SFTPB: variants seen among roughly 807,000 people sequenced by gnomAD.
SFTPB encodes the protein pulmonary surfactant-associated protein B.
A neutral mutation model predicts 51.0 loss-of-function variants in SFTPB; 32 were observed. The observed-to-expected ratio is 0.63, with a 90% CI of 0.47 to 0.84. SFTPB has a LOEUF of 0.84. Ranked by LOEUF, SFTPB falls within the 40% of genes least tolerant of loss-of-function variation. SFTPB has a pLI of 0.00. For synonymous variants in SFTPB, 211 were observed against 208.5 expected (o/e 1.01, Z -0.10); for missense variants, 431 against 491.2 (o/e 0.88, Z 1.16).
At chr2:85,662,876 C>T (rs1677380785) in intron 8 of SFTPB, among the ~76,000 whole-genome samples, 1 of 150,712 alleles carries the variant, frequency 6.6e-6, no homozygotes, top group African/African-American at 2.4e-5. Flanking sequence ...AGGGAATTTC[C>T]TGTCATTGAC....
Position 85,665,781 on chromosome 2 carries a change from A to T in SFTPB, c.407T>A (p.Ile136Asn), listed in dbSNP as rs1210349465. 1.9e-6 allele frequency: 3 copies of T among 1,614,034 alleles called. No homozygotes were observed. Among genetic ancestry groups the T allele is most frequent in the Admixed American group, 3.3e-5 (2 of 60,000 alleles). ...TTTGCACAGGCCCAGGTGCATACAG[A>T]TGCCGTTTGAGTCCTGGGGCACAGC... is the stretch of plus-strand genomic sequence containing the variant. ...YFQNQTDSNG[I>N]CMHLGLCKSR... The change falls in exon 5 of 11, where the codon ATC (isoleucine) becomes AAC (asparagine). Residue 136 changes from isoleucine to asparagine, a missense_variant. Coordinates refer to ENST00000519937, the MANE Select transcript of SFTPB (RefSeq NM_000542.5).
chr2:85,666,425 GT>G, intron 4 of SFTPB, 191 bp downstream of exon 4: 1 of 202,284 alleles, frequency 4.9e-6, no homozygotes, highest in East Asian at 9.4e-5. Context: ...CTGGGGTGTT[GT>G]GTGTGTGTGT....
intron 10 of SFTPB, among the ~76,000 whole-genome samples, chr2:85,660,636 G>A (rs1191088715): frequency 6.6e-6 from 1 of 151,612 alleles, no homozygotes; most frequent in Non-Finnish European, 1.5e-5. Flanking sequence ...AATATTTTTA[G>A]TAGAGACAGG....
chr2:85,666,573 G>A (rs750157120), intron 4 of SFTPB, 44 bp downstream of exon 4: 13 of 1,608,554 alleles, frequency 8.1e-6, no homozygotes, highest in South Asian at 2.2e-5. Context: ...GGGCACAGGG[G>A]CCTGCGTGGG....
intron 1 of SFTPB, 144 bp from the exon 2 acceptor site, chr2:85,667,950 G>T (rs1677740087): frequency 9.9e-6 from 13 of 1,307,526 alleles, no homozygotes; most frequent in Admixed American, 6.1e-5. Context: ...GGTTCCACCT[G>T]CTCCTGGACC....
rs3024817 is a variant in SFTPB at position 85,660,916 on chromosome 2, C to T, written c.*19+538G>A. On this transcript the variant is annotated intron_variant, in intron 10 of 10. Coordinates refer to ENST00000519937, the MANE Select transcript of SFTPB (RefSeq NM_000542.5). ...AGGGTCATTTCCCAGCCTCCAGGCA[C>T]CTGTTCACAGAGGCTGCATCTGGCC... 1.9e-3 allele frequency among the ~76,000 whole-genome samples: 286 copies of T among 152,302 alleles called. 1 individual carries two copies. The highest frequency in any genetic ancestry group is 6.4e-3 in the African/African-American group (268 of 41,570).
chr2:85,667,947 C>T (rs1220103056), intron 1 of SFTPB, 141 bp from the exon 2 acceptor site: 5 of 1,333,634 alleles, frequency 3.7e-6, no homozygotes, highest in Admixed American at 2.0e-5. Context: ...CTGGGTTCCA[C>T]CTGCTCCTGG....
Position 85,657,919 on chromosome 2 carries a change from A to G in SFTPB, c.*1783T>C, listed in dbSNP as rs748215074. 2 of 152,060 alleles carry G rather than the reference A, an allele frequency of 1.3e-5. No individual in the cohort carries two copies. Among genetic ancestry groups the G allele is most frequent in the Non-Finnish European group, 2.9e-5 (2 of 68,024 alleles). 9.4% of individuals were successfully genotyped at this position (152,060 alleles called of 1,614,324 possible). ...GTGCGGGCGTGGGGTGGGTGGGGAGAATATTACAAAGCACCTTCTCAAGGG... is the reference window on the plus strand; with the variant it reads ...GTGCGGGCGTGGGGTGGGTGGGGAGGATATTACAAAGCACCTTCTCAAGGG... On this transcript the variant is annotated 3_prime_UTR_variant, in exon 11 of 11. Transcript: ENST00000519937.
chr2:85,661,386 G>T, intron 10 of SFTPB, 68 bp downstream of exon 10: 1 of 1,120,102 alleles, frequency 8.9e-7, no homozygotes, highest in Non-Finnish European at 1.3e-6. Context: ...GGGAGCAGAA[G>T]GGCCTCCCAT....
At chr2:85,666,309 GTT>G (rs1265106148) in intron 4 of SFTPB, among the ~76,000 whole-genome samples, 1 of 143,424 alleles carries the variant, frequency 7.0e-6, no homozygotes. Context: ...GTGTGTGTGT[GTT>G]TCCAGCTGGC....
At chr2:85,666,239 G>GTA (rs1677593003) in intron 4 of SFTPB, among the ~76,000 whole-genome samples, 1 of 145,950 alleles carries the variant, frequency 6.9e-6, no homozygotes, top group African/African-American at 2.5e-5. Context: ...GTGTGTGTGT[G>GTA]TGTGTGTGTG....
chr2:85,662,405 T>A, intron 8 of SFTPB: 1 of 741,574 alleles, frequency 1.3e-6, no homozygotes, highest in Non-Finnish European at 1.9e-6. Flanking sequence ...GAAGGAAACT[T>A]AACGTTCATC....
intron 9 of SFTPB, among the ~76,000 whole-genome samples, 171 bp from the exon 10 acceptor site, chr2:85,661,706 C>T (rs1235399741): frequency 6.6e-6 from 1 of 152,128 alleles, no homozygotes; most frequent in African/African-American, 2.4e-5. Flanking sequence ...GGGTTTAGAG[C>T]CTGAGGAGGT....
Position 85,662,072 on chromosome 2 carries a change from A to T in SFTPB, c.1040T>A (p.Leu347Gln). ...QFVEQHTPQL[L>Q]TLVPRGWDAH... ...ATCCCAGCCCCTGGGCACCAGGGTCAGCAGCTGGGGCGTGTGCTGCTCCAC... is the reference window on the plus strand; with the variant it reads ...ATCCCAGCCCCTGGGCACCAGGGTCTGCAGCTGGGGCGTGTGCTGCTCCAC... The change falls in exon 9 of 11, where the codon CTG (leucine) becomes CAG (glutamine). Residue 347 changes from leucine (L) to glutamine (Q), a missense_variant. Leu to Gln is a moderately radical substitution (Grantham distance 113). Coordinates refer to ENST00000519937, the MANE Select transcript of SFTPB (RefSeq NM_000542.5). 6.2e-7 allele frequency: 1 copy of T among 1,604,254 alleles called. No individual in the cohort carries two copies. The highest frequency in any genetic ancestry group is 8.5e-7 in the Non-Finnish European group (1 of 1,176,674).
Position 85,667,114 on chromosome 2 carries a change from T to C in SFTPB, c.259A>G (p.Ile87Val), listed in dbSNP as rs1200961574. The C allele has an allele frequency of 6.2e-7, 1 of 1,612,472 alleles. No individual in the cohort carries two copies. The highest frequency in any genetic ancestry group is 1.1e-5 in the South Asian group (1 of 91,048). The change falls in exon 3 of 11, where the codon ATT (isoleucine) becomes GTT (valine). Residue 87 changes from isoleucine (I) to valine (V), a missense_variant. Coordinates refer to ENST00000519937, the MANE Select transcript of SFTPB (RefSeq NM_000542.5). ...HILNKMAKEA[I>V]FQDTMRKFLE... ...GATCTGGGCATCATTACCTGGAAAA[T>C]GGCCTCCTTGGCCATCTTGTTAAGG...
At chr2:85,660,839 A>G (rs971841672) in intron 10 of SFTPB, among the ~76,000 whole-genome samples, 2 of 152,158 alleles carry the variant, frequency 1.3e-5, no homozygotes, top group African/African-American at 4.8e-5. Context: ...AAGTGGGCCA[A>G]GCTTGCTCTC....
chr2:85,665,260 TG>T, intron 6 of SFTPB, 28 bp downstream of exon 6: 1 of 1,534,456 alleles, frequency 6.5e-7, no homozygotes, highest in Non-Finnish European at 9.0e-7. Context: ...CGTGTGCTCC[TG>T]GGCTCTGTGA....
rs1677160865 is a variant in SFTPB, at chr2:85,658,910, C to T, written c.*792G>A. On this transcript the variant is annotated 3_prime_UTR_variant, in exon 11 of 11. Transcript: ENST00000519937. ...TAGCATTGGTGCAGACATTGTATTA[C>T]ACAGGAATGGGTCCCTAGCTTGCAC... 6.6e-6 allele frequency: 1 copy of T among 152,070 alleles called. No homozygotes were observed. The highest frequency in any genetic ancestry group is 6.6e-5 in the Admixed American group (1 of 15,254). 9.4% of individuals were successfully genotyped at this position (152,070 alleles called of 1,614,324 possible).
intron 4 of SFTPB, 120 bp downstream of exon 4, chr2:85,666,497 G>GTT (rs1677639923): frequency 5.3e-6 from 3 of 564,648 alleles, no homozygotes; most frequent in South Asian, 5.4e-5. Flanking sequence ...TGGGTGCTGT[G>GTT]TGTGTGTGTG....
Sources: gnomAD v4.1 joint callset for allele counts (sites outside exome capture counted in the v4.1 genomes callset) on GRCh38, gnomAD v4.1.1 for gene constraint, MANE v1.5 for transcripts, NCBI Gene and HGNC (gene_info 2026-07-23, HGNC 2026-07-21) for gene names.